Variants in HS3ST5 observed in about 807,000 individuals in gnomAD.
The protein encoded by HS3ST5 is heparan sulfate-glucosamine 3-sulfotransferase 5, also known as heparan sulfate glucosamine 3-O-sulfotransferase 5.
In HS3ST5, 10 loss-of-function variants were observed where a neutral mutation model predicts 25.4. The observed-to-expected ratio is 0.39, with a 90% confidence interval of 0.24 to 0.67. HS3ST5 has a LOEUF of 0.67. Ranked by LOEUF, HS3ST5 falls within the 30% of genes least tolerant of loss-of-function variation. The probability of loss-of-function intolerance (pLI) is 0.44; values close to 1 mark genes in which losing one functional copy is unlikely to be tolerated. For synonymous variants in HS3ST5, 170 were observed against 162.4 expected, an observed-to-expected ratio of 1.05 and a Z score of -0.36; for missense variants, 324 against 420.7, an observed-to-expected ratio of 0.77 and a Z score of 2.01.
At chr6:114,277,992 T>C (rs569226413) in intron 1 of HS3ST5, among the ~76,000 whole-genome samples, 1 of 152,142 alleles carries the variant, frequency 6.6e-6, no homozygotes, top group East Asian at 1.9e-4. Flanking sequence ...TCTGTGGTTC[T>C]CATTACTTAC....
intron 1 of HS3ST5, among the ~76,000 whole-genome samples, chr6:114,310,663 A>C (rs1279723716): frequency 6.6e-6 from 1 of 152,158 alleles, no homozygotes; most frequent in Non-Finnish European, 1.5e-5. Flanking sequence ...TTATGTCCCC[A>C]AAAACTCATG....
intron 2 of HS3ST5, among the ~76,000 whole-genome samples, chr6:114,216,842 C>G (rs6928606): frequency 0.42 from 63,704 of 151,678 alleles, 14,489 homozygotes; most frequent in South Asian, 0.65. Flanking sequence ...TTCATGGCTG[C>G]CCACAGTAGG....
At chr6:114,278,880 ACAAT>A (rs1209043278) in intron 1 of HS3ST5, among the ~76,000 whole-genome samples, 1 of 152,064 alleles carries the variant, frequency 6.6e-6, no homozygotes, top group Non-Finnish European at 1.5e-5. Context: ...AATGCAGCTA[ACAAT>A]CAGTTTATCA....
chr6:114,204,803 A>G (rs938362934), intron 2 of HS3ST5, among the ~76,000 whole-genome samples: 5 of 152,082 alleles, frequency 3.3e-5, no homozygotes, highest in African/African-American at 1.2e-4. Flanking sequence ...CTACCCTTTC[A>G]TTTTGTACTT....
At chr6:114,141,006 G>T (rs935204957) in intron 3 of HS3ST5, among the ~76,000 whole-genome samples, 1 of 152,152 alleles carries the variant, frequency 6.6e-6, no homozygotes, top group Non-Finnish European at 1.5e-5. Flanking sequence ...TACTCAATAA[G>T]TAGTAACTAT....
intron 3 of HS3ST5, among the ~76,000 whole-genome samples, chr6:114,075,843 C>T (rs1774093057): frequency 6.6e-6 from 1 of 152,192 alleles, no homozygotes; most frequent in African/African-American, 2.4e-5. Flanking sequence ...TTCTCCCTCT[C>T]AGTTCTGTGG....
intron 3 of HS3ST5, among the ~76,000 whole-genome samples, chr6:114,076,235 G>A (rs1347663471): frequency 6.6e-6 from 1 of 152,166 alleles, no homozygotes; most frequent in Non-Finnish European, 1.5e-5. Context: ...GTGACTTTGT[G>A]TAAACCACTT....
intron 2 of HS3ST5, among the ~76,000 whole-genome samples, chr6:114,216,135 C>T (rs1781750422): frequency 6.6e-6 from 1 of 152,098 alleles, no homozygotes; most frequent in South Asian, 2.1e-4. Flanking sequence ...CTAGTAGGGT[C>T]CCAGAGAGGT....
intron 3 of HS3ST5, among the ~76,000 whole-genome samples, chr6:114,109,034 G>C (rs1776129409): frequency 6.6e-6 from 1 of 152,030 alleles, no homozygotes; most frequent in South Asian, 2.1e-4. Context: ...GTGGTGGCAG[G>C]CGCTTGTAGT....
chr6:114,261,229 G>A (rs777337411), intron 1 of HS3ST5, among the ~76,000 whole-genome samples: 6 of 152,078 alleles, frequency 3.9e-5, no homozygotes, highest in Non-Finnish European at 8.8e-5. Flanking sequence ...CTTTAGAATG[G>A]GAAAAGTTCA....
intron 1 of HS3ST5, among the ~76,000 whole-genome samples, chr6:114,329,964 T>A (rs984075449): frequency 7.2e-5 from 11 of 152,202 alleles, no homozygotes; most frequent in Non-Finnish European, 1.6e-4. Flanking sequence ...CTTAAATGTA[T>A]GTTTGAAATA....
chr6:114,313,111 C>A (rs1395022613), intron 1 of HS3ST5, among the ~76,000 whole-genome samples: 1 of 140,176 alleles, frequency 7.1e-6, no homozygotes, highest in African/African-American at 2.7e-5. Flanking sequence ...CAATATTAGT[C>A]ATCAGAGAAA....
chr6:114,097,539 T>C (rs1775497806), intron 3 of HS3ST5, among the ~76,000 whole-genome samples: 1 of 151,956 alleles, frequency 6.6e-6, no homozygotes, highest in Non-Finnish European at 1.5e-5. Context: ...AAGAATTCCG[T>C]GTTGCATATT....
chr6:114,213,168 T>A (rs1267419585), intron 2 of HS3ST5, among the ~76,000 whole-genome samples: 1 of 152,044 alleles, frequency 6.6e-6, no homozygotes, highest in Admixed American at 6.5e-5. Flanking sequence ...GTTGAACTCT[T>A]CTTCGAAGTC....
intron 2 of HS3ST5, among the ~76,000 whole-genome samples, chr6:114,184,998 A>T (rs1780149086): frequency 6.6e-6 from 1 of 152,136 alleles, no homozygotes; most frequent in African/African-American, 2.4e-5. Context: ...ATAGCTGGAG[A>T]AGAATTTTGC....
chr6:114,171,374 A>G (rs948619260), intron 2 of HS3ST5, among the ~76,000 whole-genome samples: 31 of 152,204 alleles, frequency 2.0e-4, no homozygotes, highest in Admixed American at 5.2e-4. Flanking sequence ...GTGATGTACA[A>G]CAATGTTTCC....
In HS3ST5 at chr6:114,084,312, C is replaced by G. The variant is rs1774645350; in HGVS notation, c.-32-21435G>C. On this transcript the variant is annotated intron_variant, in intron 3 of 4. Transcript: ENST00000312719. ...CAGAGGGCACCTGCACACCTTCAGA[C>G]CAGTCTGCAATCTCAGGCTGAGTAG... The G allele has an allele frequency of 6.5e-6, 5 of 767,484 alleles. No homozygotes were observed. In the Admixed American group the frequency reaches 8.5e-5, roughly 13 times the overall value. The allele number at this position is 767,484 out of a possible 1,614,324, so 47.5% of individuals were successfully genotyped here.
intron 3 of HS3ST5, among the ~76,000 whole-genome samples, chr6:114,130,160 C>A (rs1178428149): frequency 1.3e-5 from 2 of 152,200 alleles, no homozygotes; most frequent in Admixed American, 1.3e-4. Flanking sequence ...TTAAAGTAAT[C>A]ACAATTAAAT....
chr6:114,281,481 A>G (rs1422328612), intron 1 of HS3ST5, among the ~76,000 whole-genome samples: 1 of 151,936 alleles, frequency 6.6e-6, no homozygotes, highest in Non-Finnish European at 1.5e-5. Context: ...CTCCCTGGAG[A>G]TGTAGACTTC....
Sources: allele counts gnomAD v4.1 joint callset (sites outside exome capture counted in the v4.1 genomes callset), GRCh38; gene constraint gnomAD v4.1.1; transcripts MANE v1.5; gene names NCBI Gene and HGNC (gene_info 2026-07-23, HGNC 2026-07-21).